The following PCDHA5 variants were observed in gnomAD, a reference collection of about 807,000 sequenced individuals.
PCDHA5 encodes the protein protocadherin alpha-5.
PCDHA5 carries 43 observed loss-of-function variants against 61.6 expected under a neutral mutation model. The observed-to-expected ratio is 0.70, with a 90% CI of 0.55 to 0.90. PCDHA5 has a LOEUF of 0.90. Ranked by LOEUF, PCDHA5 falls within the 40% of genes least tolerant of loss-of-function variation. The probability of loss-of-function intolerance (pLI) is 0.00; values close to 1 mark genes in which losing one functional copy is unlikely to be tolerated. For synonymous variants in PCDHA5, 627 were observed against 543.9 expected, an observed-to-expected ratio of 1.15 and a Z score of -2.13; for missense variants, 1,298 against 1,222.7, an observed-to-expected ratio of 1.06 and a Z score of -0.92.
At chr5:140,859,461 A>G (rs1394799940) in intron 1 of PCDHA5, 1 of 216,144 alleles carries the variant, frequency 4.6e-6, no homozygotes, top group Non-Finnish European at 9.0e-6. Flanking sequence ...TGACAAAACT[A>G]CACTATCAAT....
chr5:140,824,159 C>T (rs1554129770), intron 1 of PCDHA5, 32 bp downstream of exon 1: 3 of 1,611,382 alleles, frequency 1.9e-6, no homozygotes, highest in Middle Eastern at 1.7e-4. Context: ...TCCATCTTTC[C>T]CTCCCAATTT....
At chr5:140,843,109 A>T (rs2150352812) in intron 1 of PCDHA5, 2 of 1,595,800 alleles carry the variant, frequency 1.3e-6, no homozygotes. Context: ...AGGTGCGCGC[A>T]GTGGACGCCG....
intron 1 of PCDHA5, among the ~76,000 whole-genome samples, chr5:140,954,268 A>C (rs1381458746): frequency 2.0e-5 from 3 of 152,224 alleles, no homozygotes; most frequent in African/African-American, 7.2e-5. Flanking sequence ...TCTTTATAAT[A>C]GGATGATTTA....
intron 1 of PCDHA5, among the ~76,000 whole-genome samples, chr5:140,941,231 C>CTTTCTTTCTTTCTT (rs1563186950): frequency 5.1e-5 from 7 of 136,876 alleles, no homozygotes; most frequent in East Asian, 2.1e-4. Context: ...TTCTTTCTTT[C>CTTTCTTTCTTTCTT]TTTCTTTCTT....
intron 1 of PCDHA5, among the ~76,000 whole-genome samples, chr5:140,919,699 C>T (rs946203919): frequency 3.3e-5 from 5 of 152,084 alleles, no homozygotes; most frequent in African/African-American, 1.2e-4. Context: ...TTTATATTAA[C>T]TTAATTCTAG....
At position 140,982,527 on chromosome 5, in the gene PCDHA5, G is replaced by A. The variant is rs2096986081; in HGVS notation, c.2464G>A (p.Asp822Asn). ...TCTACGGGCTGGTCCAGGAGGGCCT[G>A]ATCAGCAGTGGCCAACAGTATCCAG... is the stretch of plus-strand genomic sequence containing the variant. ...GILRAGPGGP[D>N]QQWPTVSSAT... is the part of the protein sequence containing the mutation. Residue 822 changes from aspartate to asparagine, a missense_variant, in exon 3 of 4, where the codon GAT becomes AAT. By Grantham distance (23) the Asp-to-Asn change is conservative. Coordinates refer to ENST00000529859, the MANE Select transcript of PCDHA5 (RefSeq NM_018908.3). 1 of 1,614,218 alleles carries A rather than the reference G, an allele frequency of 6.2e-7. No individual in the cohort carries two copies. Among genetic ancestry groups the A allele is most frequent in the Admixed American group, 1.7e-5 (1 of 60,034 alleles).
At chr5:140,958,199 A>G (rs2095413345) in intron 1 of PCDHA5, among the ~76,000 whole-genome samples, 1 of 152,140 alleles carries the variant, frequency 6.6e-6, no homozygotes, top group Non-Finnish European at 1.5e-5. Context: ...GGTCTAGTAT[A>G]CAAGGGAATT....
intron 1 of PCDHA5, among the ~76,000 whole-genome samples, chr5:140,826,618 T>C (rs935970979): frequency 1.3e-5 from 2 of 152,148 alleles, no homozygotes; most frequent in African/African-American, 4.8e-5. Context: ...GCGAAGTTGA[T>C]ATTTGGCCCT....
intron 1 of PCDHA5, chr5:140,928,252 G>C (rs1377533547): frequency 2.5e-6 from 4 of 1,614,208 alleles, no homozygotes; most frequent in Non-Finnish European, 3.4e-6. Flanking sequence ...GGAACTTTTC[G>C]TTGCTGAAAA....
intron 1 of PCDHA5, chr5:140,852,648 C>T: frequency 1.0e-6 from 1 of 958,186 alleles, no homozygotes; most frequent in Non-Finnish European, 1.3e-6. Flanking sequence ...TTAAACCTAT[C>T]TATATCTGTC....
At chr5:141,000,393 C>CTATAAATATA (rs1563650230) in intron 3 of PCDHA5, among the ~76,000 whole-genome samples, 1 of 52,856 alleles carries the variant, frequency 1.9e-5, no homozygotes, top group African/African-American at 9.2e-5. Flanking sequence ...CTCTCTCTCT[C>CTATAAATATA]TCTATATATA....
At chr5:140,835,076 G>C (rs2150230443) in intron 1 of PCDHA5, 808 of 1,210,720 alleles carry the variant, frequency 6.7e-4, no homozygotes, top group Non-Finnish European at 8.8e-4. Flanking sequence ...TACTCATCAC[G>C]GTACTGGACA....
chr5:140,865,598 C>A (rs542387225), intron 1 of PCDHA5: 1 of 152,240 alleles, frequency 6.6e-6, no homozygotes, highest in African/African-American at 2.4e-5. Flanking sequence ...ATTGTTTGAG[C>A]AGTTTATTAA....
chr5:140,846,435 C>T (rs1355633400), intron 1 of PCDHA5, among the ~76,000 whole-genome samples: 1 of 133,632 alleles, frequency 7.5e-6, no homozygotes, highest in Non-Finnish European at 1.6e-5. Flanking sequence ...AATGCAGTGG[C>T]GCAATCTCGG....
intron 1 of PCDHA5, among the ~76,000 whole-genome samples, chr5:140,838,565 A>G (rs1275372671): frequency 2.0e-5 from 3 of 151,890 alleles, no homozygotes; most frequent in South Asian, 4.2e-4. Context: ...CCAGTACTGT[A>G]TTAGGGACAT....
At chr5:140,895,138 G>C (rs782496234) in intron 1 of PCDHA5, among the ~76,000 whole-genome samples, 14 of 151,944 alleles carry the variant, frequency 9.2e-5, no homozygotes, top group Non-Finnish European at 1.8e-4. Flanking sequence ...AAGTTCATAG[G>C]GCTAAGACAG....
chr5:140,858,149 G>T, intron 1 of PCDHA5: 1 of 1,597,572 alleles, frequency 6.3e-7, no homozygotes, highest in Non-Finnish European at 8.6e-7. Flanking sequence ...CCTGATCATC[G>T]CCATCTGCGC....
chr5:140,998,639 A>G (rs1165002908), intron 3 of PCDHA5, among the ~76,000 whole-genome samples: 2 of 151,766 alleles, frequency 1.3e-5, no homozygotes, highest in African/African-American at 2.4e-5. Flanking sequence ...ATCTCAGCTC[A>G]CTGCAACCTC....
At chr5:140,834,079 C>T (rs1300614234) in intron 1 of PCDHA5, among the ~76,000 whole-genome samples, 1 of 152,142 alleles carries the variant, frequency 6.6e-6, no homozygotes, top group African/African-American at 2.4e-5. Context: ...GCTATTTTAA[C>T]CTTTAACAAC....
Sources: gnomAD v4.1 joint callset for allele counts (sites outside exome capture counted in the v4.1 genomes callset) on GRCh38, gnomAD v4.1.1 for gene constraint, MANE v1.5 for transcripts, NCBI Gene and HGNC (gene_info 2026-07-23, HGNC 2026-07-21) for gene names.